Variants in EPHA3 observed in about 807,000 individuals in gnomAD.
The protein encoded by EPHA3 is ephrin type-A receptor 3.
EPHA3 carries 42 observed loss-of-function variants against 107.1 expected under a neutral mutation model. The observed-to-expected ratio is 0.39, with a 90% CI of 0.31 to 0.51. EPHA3 has a LOEUF of 0.51. Among genes scored for constraint, EPHA3 ranks in the 20% least tolerant of loss-of-function variants. EPHA3 has a pLI of 0.78. For synonymous variants in EPHA3, 461 were observed against 424.8 expected (o/e 1.09, Z -1.05); for missense variants, 1,183 against 1,211.2 (o/e 0.98, Z 0.35).
intron 1 of EPHA3, among the ~76,000 whole-genome samples, chr3:89,118,745 G>A (rs1321580827): frequency 6.6e-6 from 1 of 151,622 alleles, no homozygotes; most frequent in Non-Finnish European, 1.5e-5. Flanking sequence ...CTTATCTGAG[G>A]ATTAGTTACC....
Position 89,239,543 on chromosome 3 carries a change from C to T in EPHA3, c.814+29023C>T, listed in dbSNP as rs1704846511. On this transcript the variant is annotated intron_variant, in intron 3 of 16. Coordinates refer to ENST00000336596, the MANE Select transcript of EPHA3 (RefSeq NM_005233.6). ...TTGTGCAGTATATATTTTAACATGA[C>T]AATAAAATATTAAGTTTTGAATGAA... Among the ~76,000 whole-genome samples the T allele has an allele frequency of 2.0e-5, 3 of 151,984 alleles. No individual in the cohort carries two copies. In the South Asian group the frequency reaches 6.2e-4, roughly 31 times the overall value.
chr3:89,355,308 T>C (rs1367487026), intron 5 of EPHA3, among the ~76,000 whole-genome samples: 1 of 151,256 alleles, frequency 6.6e-6, no homozygotes, highest in Admixed American at 6.6e-5. Flanking sequence ...AAATGTAACA[T>C]TTGGACTAGA....
chr3:89,136,305 G>GA (rs1415671192), intron 2 of EPHA3, among the ~76,000 whole-genome samples: 1 of 95,790 alleles, frequency 1.0e-5, no homozygotes, highest in Non-Finnish European at 2.0e-5. Flanking sequence ...GATTAAATTA[G>GA]AAAAACATGG....
chr3:89,439,723 GCACACACACACA>G (rs59868005), intron 13 of EPHA3, among the ~76,000 whole-genome samples: 7 of 133,222 alleles, frequency 5.3e-5, no homozygotes, highest in Non-Finnish European at 1.0e-4. Context: ...TCATATTAAG[GCACACACACACA>G]CACACACACA....
At chr3:89,219,697 TTTTTTGTTTTTTG>T (rs1201549430) in intron 3 of EPHA3, among the ~76,000 whole-genome samples, 1,359 of 13,202 alleles carry the variant, frequency 0.1, 321 homozygotes, top group African/African-American at 0.27. Context: ...TGTTTTTTTT[TTTTTTGTTTTTTG>T]TTTTTTTTTT....
chr3:89,436,722 CTTAAT>C (rs2107542368), intron 13 of EPHA3, among the ~76,000 whole-genome samples: 1 of 152,284 alleles, frequency 6.6e-6, no homozygotes, highest in East Asian at 1.9e-4. Context: ...AAGCTCAAAA[CTTAAT>C]TTATCAGACA....
At chr3:89,438,260 C>T (rs1237799577) in intron 13 of EPHA3, among the ~76,000 whole-genome samples, 1 of 151,946 alleles carries the variant, frequency 6.6e-6, no homozygotes, top group Non-Finnish European at 1.5e-5. Context: ...AGGGGCCCAT[C>T]ACTACACCCG....
At chr3:89,211,287 T>C (rs1704074773) in intron 3 of EPHA3, among the ~76,000 whole-genome samples, 1 of 152,122 alleles carries the variant, frequency 6.6e-6, no homozygotes, top group Non-Finnish European at 1.5e-5. Context: ...TATCATTTTA[T>C]ATAAAATTAT....
At chr3:89,110,398 A>G (rs1445183721) in intron 1 of EPHA3, among the ~76,000 whole-genome samples, 1 of 151,960 alleles carries the variant, frequency 6.6e-6, no homozygotes, top group Non-Finnish European at 1.5e-5. Flanking sequence ...CAATATTGAA[A>G]TGCCATGGGT....
At chr3:89,428,156 G>T (rs1209273655) in intron 11 of EPHA3, among the ~76,000 whole-genome samples, 1 of 151,854 alleles carries the variant, frequency 6.6e-6, no homozygotes, top group Non-Finnish European at 1.5e-5. Flanking sequence ...TAGCACCTTT[G>T]TGTCTGATGC....
chr3:89,301,746 A>G (rs1046212067), intron 3 of EPHA3, among the ~76,000 whole-genome samples: 2 of 152,226 alleles, frequency 1.3e-5, no homozygotes, highest in Admixed American at 1.3e-4. Context: ...ATGAATGGAA[A>G]TGTATTCTAA....
At chr3:89,224,886 A>C (rs764078260) in intron 3 of EPHA3, among the ~76,000 whole-genome samples, 2 of 151,718 alleles carry the variant, frequency 1.3e-5, no homozygotes, top group African/African-American at 2.4e-5. Flanking sequence ...AATAATAATA[A>C]AAAAATAAAA....
chr3:89,334,055 A>G (rs1268540450), intron 3 of EPHA3, among the ~76,000 whole-genome samples: 1 of 152,194 alleles, frequency 6.6e-6, no homozygotes, highest in Non-Finnish European at 1.5e-5. Context: ...TTTTATGTCT[A>G]TTCATTCCCA....
At chr3:89,408,935 C>T (rs1709106348) in intron 9 of EPHA3, among the ~76,000 whole-genome samples, 1 of 151,916 alleles carries the variant, frequency 6.6e-6, no homozygotes, top group African/African-American at 2.4e-5. Context: ...TCACTATTGC[C>T]TTCTAAAATT....
At chr3:89,378,479 T>C (rs1051883382) in intron 5 of EPHA3, among the ~76,000 whole-genome samples, 3 of 152,036 alleles carry the variant, frequency 2.0e-5, no homozygotes, top group African/African-American at 7.3e-5. Flanking sequence ...AATCATTACA[T>C]GTAATTTAGT....
At chr3:89,447,413 T>C (rs1709895752) in intron 13 of EPHA3, among the ~76,000 whole-genome samples, 1 of 152,164 alleles carries the variant, frequency 6.6e-6, no homozygotes, top group Non-Finnish European at 1.5e-5. Flanking sequence ...GTGTAAGCTC[T>C]ACCTTTTCAA....
intron 2 of EPHA3, among the ~76,000 whole-genome samples, chr3:89,181,120 C>A (rs114981970): frequency 1.3e-5 from 2 of 151,948 alleles, no homozygotes; most frequent in South Asian, 4.2e-4. Flanking sequence ...AAGTAATCTC[C>A]TAGTTTTATT....
chr3:89,417,224 A>G (rs1413066089), intron 10 of EPHA3, among the ~76,000 whole-genome samples: 5 of 151,484 alleles, frequency 3.3e-5, no homozygotes, highest in Non-Finnish European at 7.4e-5. Context: ...AGATAGGTAC[A>G]GAGAGGTTAA....
intron 3 of EPHA3, among the ~76,000 whole-genome samples, chr3:89,336,121 T>C (rs1243241971): frequency 6.6e-6 from 1 of 152,202 alleles, no homozygotes. Context: ...CTTATTTTCA[T>C]TAACAAAAGG....
Sources: gnomAD v4.1 joint callset for allele counts (sites outside exome capture counted in the v4.1 genomes callset) on GRCh38, gnomAD v4.1.1 for gene constraint, MANE v1.5 for transcripts, NCBI Gene and HGNC (gene_info 2026-07-23, HGNC 2026-07-21) for gene names.